DDX18: variants seen among roughly 807,000 people sequenced by gnomAD.
DDX18 encodes DEAD-box helicase 18.
In DDX18, 23 loss-of-function variants were observed where a neutral mutation model predicts 73.5. The observed-to-expected ratio is 0.31, with a 90% CI of 0.23 to 0.44. The LOEUF is 0.44. Ranked by LOEUF, DDX18 falls within the 20% of genes least tolerant of loss-of-function variation. DDX18 has a pLI of 1.00. For missense variants in DDX18, 753 were observed against 792.9 expected, an observed-to-expected ratio of 0.95 and a Z score of 0.60; for synonymous variants, 268 against 282.7, an observed-to-expected ratio of 0.95 and a Z score of 0.52.
intron 11 of DDX18, 154 bp downstream of exon 11, chr2:117,826,536 C>G: frequency 1.4e-6 from 1 of 697,228 alleles, no homozygotes; most frequent in Non-Finnish European, 2.4e-6. Flanking sequence ...TACTTCTAGC[C>G]CAAGAAGTGA....
At chr2:117,825,242 G>A in intron 9 of DDX18, 141 bp downstream of exon 9, 1 of 1,256,458 alleles carries the variant, frequency 8.0e-7, no homozygotes, top group Non-Finnish European at 1.1e-6. Context: ...CTGTGTGGGG[G>A]AGCGCTGCTG....
chr2:117,829,234 T>C, intron 12 of DDX18, 55 bp from the exon 13 acceptor site: 2 of 1,520,102 alleles, frequency 1.3e-6, no homozygotes. Flanking sequence ...ATCTGGTGTT[T>C]TGGAGGTTTT....
chr2:117,825,829 C>A, intron 10 of DDX18: 1 of 482,142 alleles, frequency 2.1e-6, no homozygotes, highest in Admixed American at 3.6e-5. Context: ...AAAATGAGAT[C>A]CTTGGAATGA....
Position 117,821,158 on chromosome 2 carries a change from T to G in DDX18, c.515-3T>G. 6.4e-7 allele frequency: 1 copy of G among 1,567,448 alleles called. No homozygotes were observed. Among genetic ancestry groups the G allele is most frequent in the South Asian group, 1.2e-5 (1 of 81,626 alleles). On this transcript the variant is annotated splice_region_variant and splice_polypyrimidine_tract_variant and intron_variant, in intron 3 of 13. Transcript: ENST00000263239. ...TGCTAATGATAAATTGTCTTCTGTT[T>G]AGGAGCTTTTGAGGATACTTCGTTT...
chr2:117,824,371 T>A, intron 7 of DDX18, 198 bp from the exon 8 acceptor site: 1 of 424,188 alleles, frequency 2.4e-6, no homozygotes, highest in Non-Finnish European at 3.9e-6. Context: ...AAGGAGTTTG[T>A]CCATTTCATC....
At position 117,830,520 on chromosome 2, in the gene DDX18, T is replaced by C. The variant is rs543056437; in HGVS notation, c.1871-62T>C. On this transcript the variant is annotated intron_variant, in intron 13 of 13. Coordinates refer to ENST00000263239, the MANE Select transcript of DDX18 (RefSeq NM_006773.4). ...GTGTTCATGCCGGTTTTTTTCTCTG[T>C]GTAGATGTTAGATTGGAGTTCATTA... is the stretch of plus-strand genomic sequence containing the variant. 2.5e-6 allele frequency: 4 copies of C among 1,578,982 alleles called. 1 individual carries two copies. In the South Asian group the frequency reaches 4.7e-5, roughly 18 times the overall value.
At position 117,817,672 on chromosome 2, in the gene DDX18, C is replaced by T; in HGVS notation, c.314C>T (p.Ser105Leu). The T allele has an allele frequency of 6.2e-7, 1 of 1,606,008 alleles. No homozygotes were observed. Among genetic ancestry groups the T allele is most frequent in the Non-Finnish European group, 8.5e-7 (1 of 1,178,062 alleles). Residue 105 changes from serine (S) to leucine (L), a missense_variant, in exon 2 of 14, where the codon TCA (serine) becomes TTA (leucine). Transcript: ENST00000263239. ...NGEAAMQSSN[S>L]ESKKKKKKKR... ...GAAGCAGCAATGCAGTCTTCCAATT[C>T]AGAATCAAAAAAGAAAAAGAAGAAA...
intron 8 of DDX18, 111 bp from the exon 9 acceptor site, chr2:117,824,829 A>G (rs567687874): frequency 6.8e-7 from 1 of 1,469,858 alleles, no homozygotes; most frequent in South Asian, 1.4e-5. Context: ...TAGGTGAGGC[A>G]TGACAGTTTA....
At chr2:117,820,273 T>G (rs1679825191) in intron 3 of DDX18, among the ~76,000 whole-genome samples, 1 of 152,256 alleles carries the variant, frequency 6.6e-6, no homozygotes, top group African/African-American at 2.4e-5. Flanking sequence ...CTAGACCTGC[T>G]TAATCCAAAT....
chr2:117,819,000 G>C (rs182687150), intron 2 of DDX18, among the ~76,000 whole-genome samples: 43 of 152,286 alleles, frequency 2.8e-4, no homozygotes, highest in Admixed American at 8.5e-4. Context: ...CCTGGGTTGT[G>C]GTCTAAGTTC....
chr2:117,817,466 G>T lies in DDX18; in HGVS notation c.108G>T (p.Ser36=). Residue 36 remains serine (S), a synonymous_variant, in exon 2 of 14, where the codon TCG becomes TCT. Coordinates refer to ENST00000263239, the MANE Select transcript of DDX18 (RefSeq NM_006773.4). ...KFQGASNLTL[S]ETQNGDVSEE... is the part of the protein sequence containing the mutation. The stretch of plus-strand genomic sequence containing the variant: ...CAGGGGCCTCAAATCTGACCCTATC[G>T]GAAACTCAAAATGGAGATGTATCTG... The T allele has an allele frequency of 6.2e-7, 1 of 1,609,826 alleles. No individual in the cohort carries two copies. The highest frequency in any genetic ancestry group is 8.5e-7 in the Non-Finnish European group (1 of 1,179,168).
intron 10 of DDX18, 169 bp downstream of exon 10, chr2:117,825,768 C>CA: frequency 1.4e-6 from 1 of 715,204 alleles, no homozygotes; most frequent in Non-Finnish European, 2.2e-6. Context: ...TTTCAGGGCT[C>CA]AAACGGGCTG....
chr2:117,826,629 G>A (rs1042570027), intron 11 of DDX18: 3 of 509,514 alleles, frequency 5.9e-6, no homozygotes, highest in South Asian at 2.3e-5. Flanking sequence ...CTCCTTTCCT[G>A]TTCCCTCCAG....
chr2:117,814,722 T>A lies in DDX18; in HGVS notation c.-56T>A. The A allele has an allele frequency of 1.3e-6, 2 of 1,574,370 alleles. No individual in the cohort carries two copies. Among genetic ancestry groups the A allele is most frequent in the Non-Finnish European group, 1.7e-6 (2 of 1,147,198 alleles). The stretch of plus-strand genomic sequence containing the variant: ...GGCCGGAAGGGAAGTAACGTCAGCC[T>A]GAGAACTGAGTAGCTGTACTGTGTG... On this transcript the variant is annotated 5_prime_UTR_variant, in exon 1 of 14. Coordinates refer to ENST00000263239, the MANE Select transcript of DDX18 (RefSeq NM_006773.4).
Position 117,821,704 on chromosome 2 carries a change from C to A in DDX18, c.705C>A (p.Ile235=), listed in dbSNP as rs747001461. ...TGSGKTLAFL[I]PAVELIVKLR... Reference sequence around the variant, plus strand: ...GTGGTAAAACCCTGGCTTTTCTCATCCCTGCAGTTGAACTCATTGTTAAGT... The same window carrying A: ...GTGGTAAAACCCTGGCTTTTCTCATACCTGCAGTTGAACTCATTGTTAAGT... The change falls in exon 5 of 14, where the codon ATC becomes ATA. Residue 235 remains isoleucine (I), a synonymous_variant. Coordinates refer to ENST00000263239, the MANE Select transcript of DDX18 (RefSeq NM_006773.4). 2 of 1,613,930 alleles carry A rather than the reference C, an allele frequency of 1.2e-6. No individual in the cohort carries two copies. The highest frequency in any genetic ancestry group is 1.7e-6 in the Non-Finnish European group (2 of 1,179,952).
rs572198569 is a variant in DDX18, at chr2:117,819,790, C to T, written c.512C>T (p.Thr171Ile). ...SEVPSLPLGLTGAFEDTSFAS... is the reference protein window; with the variant it reads ...SEVPSLPLGLIGAFEDTSFAS... ...GTGCCCAGTCTGCCCCTGGGACTGA[C>T]AGGTAACGTCCAGGAAGTTTTCTAG... Residue 171 changes from threonine to isoleucine, a missense_variant and splice_region_variant, in exon 3 of 14, where the codon ACA becomes ATA. Coordinates refer to ENST00000263239, the MANE Select transcript of DDX18 (RefSeq NM_006773.4). The T allele has an allele frequency of 1.3e-6, 2 of 1,574,708 alleles. No individual in the cohort carries two copies. Among genetic ancestry groups the T allele is most frequent in the African/African-American group, 2.8e-5 (2 of 72,418 alleles).
Position 117,828,933 on chromosome 2 carries a change from T to C in DDX18, c.1636-16T>C. 6.4e-7 allele frequency: 1 copy of C among 1,567,774 alleles called. No individual in the cohort carries two copies. On this transcript the variant is annotated splice_polypyrimidine_tract_variant and intron_variant, in intron 11 of 13. Transcript: ENST00000263239. Reference sequence around the variant, plus strand: ...GATCATCCTGGTTTACTAATCTTAATACTTTTGATTTCTAGGTTCCATTAA... The same window carrying C: ...GATCATCCTGGTTTACTAATCTTAACACTTTTGATTTCTAGGTTCCATTAA...
chr2:117,830,753 C>A lies in DDX18; in HGVS notation c.*29C>A. ...CATGCCTTCCTTTCATCTTGAATAA[C>A]TTTGTCCTAAAATGAATTTTTTTTC... On this transcript the variant is annotated 3_prime_UTR_variant, in exon 14 of 14. Transcript: ENST00000263239. 6.2e-7 allele frequency: 1 copy of A among 1,600,644 alleles called. No individual in the cohort carries two copies. Among genetic ancestry groups the A allele is most frequent in the Non-Finnish European group, 8.5e-7 (1 of 1,176,710 alleles).
rs2104624369 is a variant in DDX18, at chr2:117,825,040, T to C, written c.1307T>C (p.Met436Thr). The C allele has an allele frequency of 6.2e-7, 1 of 1,614,134 alleles. No homozygotes were observed. Among genetic ancestry groups the C allele is most frequent in the East Asian group, 2.2e-5 (1 of 44,886 alleles). Reference sequence around the variant, plus strand: ...CTTATGGTCTTCTTTTCATCTTGTATGTCTGTGAAATACCACTATGAGTTG... The same window carrying C: ...CTTATGGTCTTCTTTTCATCTTGTACGTCTGTGAAATACCACTATGAGTTG... Reference protein sequence around the residue: ...KKLMVFFSSCMSVKYHYELLN... With the variant: ...KKLMVFFSSCTSVKYHYELLN... Residue 436 changes from methionine to threonine, a missense_variant, in exon 9 of 14, where the codon ATG (methionine) becomes ACG (threonine). Coordinates refer to ENST00000263239, the MANE Select transcript of DDX18 (RefSeq NM_006773.4).
Sources: allele counts gnomAD v4.1 joint callset (sites outside exome capture counted in the v4.1 genomes callset), GRCh38; gene constraint gnomAD v4.1.1; transcripts MANE v1.5; gene names NCBI Gene and HGNC (gene_info 2026-07-23, HGNC 2026-07-21).